Variants in RHOBTB1 observed in about 807,000 individuals in gnomAD.
The protein encoded by RHOBTB1 is Rho related BTB domain containing 1.
A neutral mutation model predicts 71.6 loss-of-function variants in RHOBTB1; 40 were observed. The observed-to-expected ratio is 0.56, with a 90% CI of 0.43 to 0.73. RHOBTB1 has a LOEUF of 0.73. Among genes scored for constraint, RHOBTB1 ranks in the 30% least tolerant of loss-of-function variants. The pLI is 0.00. For synonymous variants in RHOBTB1, 319 were observed against 334.9 expected, an observed-to-expected ratio of 0.95 and a Z score of 0.52; for missense variants, 797 against 894.0, an observed-to-expected ratio of 0.89 and a Z score of 1.38.
intron 2 of RHOBTB1, among the ~76,000 whole-genome samples, chr10:60,979,751 A>C (rs543142731): frequency 6.6e-6 from 1 of 152,308 alleles, no homozygotes; most frequent in Non-Finnish European, 1.5e-5. Flanking sequence ...AATAAATCAG[A>C]AAAGGGAACT....
At chr10:60,884,825 C>T (rs2081492067) in intron 7 of RHOBTB1, among the ~76,000 whole-genome samples, 1 of 152,086 alleles carries the variant, frequency 6.6e-6, no homozygotes, top group Non-Finnish European at 1.5e-5. Flanking sequence ...TTACCAGAGG[C>T]TGGGATTAGG....
chr10:60,973,454 G>A (rs373352785), intron 2 of RHOBTB1, among the ~76,000 whole-genome samples: 39 of 151,990 alleles, frequency 2.6e-4, no homozygotes, highest in Admixed American at 1.6e-3. Context: ...CTTCTTTTTT[G>A]TTGTTGTTTT....
chr10:60,878,820 G>A lies in RHOBTB1; in HGVS notation c.1576-762C>T, dbSNP rs564813010. On this transcript the variant is annotated intron_variant, in intron 7 of 10. Coordinates refer to ENST00000337910, the MANE Select transcript of RHOBTB1 (RefSeq NM_014836.5). ...AGAGCCAGGCACTGCCTGGGAGGTG[G>A]AGAGCTGTAGAGGTGGGCATGGATT... is the stretch of plus-strand genomic sequence containing the variant. 3.3e-5 allele frequency among the ~76,000 whole-genome samples: 5 copies of A among 152,328 alleles called. No homozygotes were observed. In the South Asian group the frequency reaches 8.3e-4, roughly 25 times the overall value.
intron 4 of RHOBTB1, among the ~76,000 whole-genome samples, chr10:60,907,378 G>C (rs1389470202): frequency 1.3e-5 from 2 of 152,160 alleles, no homozygotes; most frequent in African/African-American, 4.8e-5. Flanking sequence ...CCTTTAAGAA[G>C]AGGCGCTTTC....
intron 2 of RHOBTB1, among the ~76,000 whole-genome samples, chr10:60,982,443 A>G (rs557197641): frequency 2.4e-4 from 37 of 152,296 alleles, no homozygotes; most frequent in African/African-American, 8.7e-4. Flanking sequence ...CTCATTGCAT[A>G]TATTACTTCA....
chr10:60,986,424 TATATATAAA>T (rs1233207867), intron 1 of RHOBTB1, among the ~76,000 whole-genome samples: 9 of 144,748 alleles, frequency 6.2e-5, no homozygotes, highest in South Asian at 2.1e-4. Flanking sequence ...TATATATATA[TATATATAAA>T]ATATATATAG....
intron 7 of RHOBTB1, among the ~76,000 whole-genome samples, chr10:60,882,321 T>A (rs1207300081): frequency 2.0e-5 from 3 of 152,150 alleles, no homozygotes; most frequent in Non-Finnish European, 4.4e-5. Flanking sequence ...ATTAGGCTTA[T>A]AATTAGAGGC....
intron 4 of RHOBTB1, among the ~76,000 whole-genome samples, chr10:60,896,316 T>C (rs2082158271): frequency 6.6e-6 from 1 of 152,224 alleles, no homozygotes; most frequent in Non-Finnish European, 1.5e-5. Context: ...AAGAGTCAGT[T>C]TAAAAATAAT....
At chr10:60,868,924 C>G (rs944382302), downstream of RHOBTB1, among the ~76,000 whole-genome samples, 5 of 152,192 alleles carry the variant, frequency 3.3e-5, no homozygotes, top group African/African-American at 9.7e-5. Context: ...TTATGGGTAG[C>G]CTGTCACTCA....
rs1448500298 is a variant in RHOBTB1 at position 60,888,578 on chromosome 10, C to T, written c.1090G>A (p.Ala364Thr). ...VEALGLEAEGAVPETQTLTGW... is the reference protein window; with the variant it reads ...VEALGLEAEGTVPETQTLTGW... ...GTCAAAGTCTGTGTCTCAGGAACTG[C>T]ACCCTCGGCTTCCAGCCCCAGAGCC... Residue 364 changes from alanine (A) to threonine (T), a missense_variant, in exon 6 of 11, where the codon GCA (alanine) becomes ACA (threonine). By Grantham distance (58) the Ala-to-Thr change is moderately conservative (BLOSUM62 0). Around this residue, in one of 2 missense-constraint regions of RHOBTB1, gnomAD observed 658 missense variants for 681.5 expected, o/e 0.97. Coordinates refer to ENST00000337910, the MANE Select transcript of RHOBTB1 (RefSeq NM_014836.5). 43 of 1,614,084 alleles carry T rather than the reference C, an allele frequency of 2.7e-5. No individual in the cohort carries two copies. The highest frequency in any genetic ancestry group is 3.5e-5 in the Non-Finnish European group (41 of 1,180,046).
At chr10:60,900,649 T>C (rs1471774445) in intron 4 of RHOBTB1, among the ~76,000 whole-genome samples, 1 of 152,190 alleles carries the variant, frequency 6.6e-6, no homozygotes, top group Non-Finnish European at 1.5e-5. Context: ...TTAAAAGGCC[T>C]TATGGATATC....
intron 1 of RHOBTB1, among the ~76,000 whole-genome samples, chr10:60,995,885 G>A (rs1207796555): frequency 1.3e-5 from 2 of 151,886 alleles, no homozygotes; most frequent in Non-Finnish European, 2.9e-5. Flanking sequence ...GCTGAGACTT[G>A]CCTTTCTTGA....
intron 6 of RHOBTB1, among the ~76,000 whole-genome samples, chr10:60,887,409 A>G (rs1327998391): frequency 6.6e-6 from 1 of 152,260 alleles, no homozygotes; most frequent in Non-Finnish European, 1.5e-5. Context: ...TCAACATTTT[A>G]CGATGAAATT....
At position 60,922,903 on chromosome 10, in the gene RHOBTB1, G is replaced by A. The variant is rs541307743; in HGVS notation, c.-10-11351C>T. Reference sequence around the variant, plus strand: ...ATCCAAGAAGGAGTCAGGTGAGGGGGTGCTGCCTCTTAAGACTGAACATTA... The same window carrying A: ...ATCCAAGAAGGAGTCAGGTGAGGGGATGCTGCCTCTTAAGACTGAACATTA... On this transcript the variant is annotated intron_variant, in intron 2 of 10. Transcript: ENST00000337910. 1.1e-3 allele frequency among the ~76,000 whole-genome samples: 171 copies of A among 152,294 alleles called. No homozygotes were observed. In the South Asian group the frequency reaches 0.015, roughly 13 times the overall value.
intron 7 of RHOBTB1, among the ~76,000 whole-genome samples, chr10:60,882,597 A>G (rs1465686241): frequency 6.6e-6 from 1 of 152,048 alleles, no homozygotes; most frequent in Non-Finnish European, 1.5e-5. Flanking sequence ...TTCTCCAAAA[A>G]AGGCTGATTT....
chr10:60,956,008 C>A (rs2085579633), intron 2 of RHOBTB1, among the ~76,000 whole-genome samples: 1 of 152,078 alleles, frequency 6.6e-6, no homozygotes, highest in Non-Finnish European at 1.5e-5. Context: ...GTCATGCATC[C>A]CTTAACAACA....
At chr10:60,963,562 T>A (rs932204239) in intron 2 of RHOBTB1, among the ~76,000 whole-genome samples, 1 of 152,146 alleles carries the variant, frequency 6.6e-6, no homozygotes, top group Non-Finnish European at 1.5e-5. Context: ...TTTGTCTATC[T>A]AGGAAGCTTC....
At chr10:60,919,211 T>C (rs189403520) in intron 2 of RHOBTB1, among the ~76,000 whole-genome samples, 3 of 152,204 alleles carry the variant, frequency 2.0e-5, no homozygotes, top group Admixed American at 2.0e-4. Flanking sequence ...CCCAAAAGCA[T>C]ATAATCTGAA....
At chr10:60,862,817 C>G in the RHOBTB1 span, among the ~76,000 whole-genome samples, 1 of 140,292 alleles carries the variant, frequency 7.1e-6, no homozygotes. Flanking sequence ...TTTCTTTTCT[C>G]TCTTTCATTC....
Sources: gnomAD v4.1 joint callset for allele counts (sites outside exome capture counted in the v4.1 genomes callset) on GRCh38, gnomAD v4.1.1 for gene constraint, gnomAD v4.1.1 regional missense constraint, MANE v1.5 for transcripts, NCBI Gene and HGNC (gene_info 2026-07-23, HGNC 2026-07-21) for gene names.